The following UNKL variants were observed in gnomAD, a reference collection of about 807,000 sequenced individuals.
UNKL encodes the protein putative E3 ubiquitin-protein ligase UNKL.
A neutral mutation model predicts 78.0 loss-of-function variants in UNKL; 60 were observed. The observed-to-expected ratio is 0.77, with a 90% CI of 0.63 to 0.95. The LOEUF (loss-of-function observed/expected upper bound fraction) is 0.95. UNKL is among the 40% of genes least tolerant of loss of function. UNKL has a pLI of 0.00. For missense variants in UNKL, 1,159 were observed against 1,045.7 expected (o/e 1.11, Z -1.49); for synonymous variants, 608 against 474.8 (o/e 1.28, Z -3.65).
At chr16:1,368,058 C>CTTTTTT in intron 12 of UNKL, 200 bp from the exon 13 acceptor site, 2 of 598,024 alleles carry the variant, frequency 3.3e-6, no homozygotes, top group South Asian at 2.0e-5. Context: ...CTGACAGTGA[C>CTTTTTT]ACCTGCCCCG....
rs1029264919 is a variant in UNKL at position 1,397,250 on chromosome 16, T to A, written c.780A>T (p.Glu260Asp). ...PSVKHGDEWG[E>D]PSRCDGGDGC... ...CGTCGCCGCCATCGCAGCGTGAGGG[T>A]TCCCCCCACTCATCCCCGTGCTTCA... The change falls in exon 6 of 15, where the codon GAA becomes GAT. Residue 260 changes from glutamate (E) to aspartate (D), a missense_variant. Physicochemically the swap from Glu to Asp is conservative, Grantham distance 45. Transcript: ENST00000389221. The A allele has an allele frequency of 1.3e-6, 2 of 1,542,120 alleles. No individual in the cohort carries two copies. Among genetic ancestry groups the A allele is most frequent in the Admixed American group, 2.0e-5 (1 of 50,986 alleles).
At chr16:1,410,802 G>T (rs978255442) in intron 2 of UNKL, among the ~76,000 whole-genome samples, 2 of 152,204 alleles carry the variant, frequency 1.3e-5, no homozygotes, top group African/African-American at 4.8e-5. Context: ...ACCTGCCTTT[G>T]AAAGCCCCAT....
At chr16:1,401,103 G>T (rs1041228430) in intron 4 of UNKL, among the ~76,000 whole-genome samples, 1 of 152,156 alleles carries the variant, frequency 6.6e-6, no homozygotes, top group Non-Finnish European at 1.5e-5. Context: ...ATATGTTTCT[G>T]GCCAAGCTCA....
intron 10 of UNKL, chr16:1,379,782 C>G: frequency 1.2e-6 from 1 of 844,194 alleles, no homozygotes; most frequent in Non-Finnish European, 1.4e-6. Flanking sequence ...CTGCCCTCCC[C>G]CAACCTTCCC....
At chr16:1,368,274 T>C (rs1331893513) in intron 12 of UNKL, 1 of 199,174 alleles carries the variant, frequency 5.0e-6, no homozygotes, top group Non-Finnish European at 1.0e-5. Flanking sequence ...TCTATGCAGC[T>C]TTAGAGACTA....
chr16:1,383,282 A>C (rs13333722), intron 10 of UNKL, among the ~76,000 whole-genome samples: 3 of 151,624 alleles, frequency 2.0e-5, no homozygotes, highest in South Asian at 4.1e-4. Context: ...CAAAAAAAAA[A>C]AAAAAACAAA....
chr16:1,414,364 C>CCCCA (rs1359182879), intron 1 of UNKL, among the ~76,000 whole-genome samples: 1 of 152,056 alleles, frequency 6.6e-6, no homozygotes, highest in Non-Finnish European at 1.5e-5. Flanking sequence ...CAGGCGCAAC[C>CCCCA]CCCAACCCCG....
intron 2 of UNKL, among the ~76,000 whole-genome samples, chr16:1,405,575 T>C (rs1419638554): frequency 6.9e-6 from 1 of 145,016 alleles, no homozygotes; most frequent in African/African-American, 2.6e-5. Flanking sequence ...AAACTCCATC[T>C]CAAAAAAAAA....
intron 10 of UNKL, among the ~76,000 whole-genome samples, chr16:1,374,468 T>C (rs897195325): frequency 6.6e-6 from 1 of 152,108 alleles, no homozygotes; most frequent in African/African-American, 2.4e-5. Flanking sequence ...GGTCCCTCCA[T>C]GGCCCCAGGC....
chr16:1,403,152 G>C lies in UNKL; in HGVS notation c.464+16C>G. The C allele has an allele frequency of 6.2e-7, 1 of 1,602,352 alleles. No individual in the cohort carries two copies. The highest frequency in any genetic ancestry group is 8.5e-7 in the Non-Finnish European group (1 of 1,174,146). On this transcript the variant is annotated intron_variant, in intron 3 of 14. Coordinates refer to ENST00000389221, the MANE Select transcript of UNKL (RefSeq NM_001372107.1). The surrounding 1 kb of genome is among the most constrained non-coding windows in gnomAD (Gnocchi z 4.8). ...CAGCAGGCAGGCCAAGTGCCCACTCGTGGATGCCCACTCACCTGACGTCAC... is the reference window on the plus strand; with the variant it reads ...CAGCAGGCAGGCCAAGTGCCCACTCCTGGATGCCCACTCACCTGACGTCAC...
chr16:1,374,800 A>G (rs1047250911), intron 10 of UNKL, among the ~76,000 whole-genome samples: 1 of 152,080 alleles, frequency 6.6e-6, no homozygotes, highest in Non-Finnish European at 1.5e-5. Context: ...CTGGAGAAAC[A>G]AGGACTCGGC....
In UNKL at chr16:1,399,307, C is replaced by T. The variant is rs1031181528; in HGVS notation, c.734+67G>A. 3.4e-6 allele frequency: 5 copies of T among 1,459,634 alleles called. No homozygotes were observed. The highest frequency in any genetic ancestry group is 1.4e-5 in the South Asian group (1 of 70,886). 90.4% of individuals were successfully genotyped at this position (1,459,634 alleles called of 1,614,324 possible). A position where few individuals can be genotyped will look rare whatever the true frequency, so the allele number is the denominator to read the frequency against. On this transcript the variant is annotated intron_variant, in intron 5 of 14. Transcript: ENST00000389221. The surrounding 1 kb of genome is among the most constrained non-coding windows in gnomAD (Gnocchi z 5.8). ...CCCATTAGAACCCCGGGGTGGGCAACGCGAGCCACGGGCCGGGAAGGACGC... is the reference window on the plus strand; with the variant it reads ...CCCATTAGAACCCCGGGGTGGGCAATGCGAGCCACGGGCCGGGAAGGACGC...
chr16:1,397,772 T>TC (rs1246323294), intron 5 of UNKL, among the ~76,000 whole-genome samples: 2 of 115,660 alleles, frequency 1.7e-5, no homozygotes, highest in African/African-American at 3.6e-5. Context: ...AGGACTTGGC[T>TC]CCCCCACCCC....
chr16:1,388,032 C>A lies in UNKL; in HGVS notation c.1086+2600G>T, dbSNP rs557582857. On this transcript the variant is annotated intron_variant, in intron 9 of 14. Coordinates refer to ENST00000389221, the MANE Select transcript of UNKL (RefSeq NM_001372107.1). Reference sequence around the variant, plus strand: ...TGGGCGTCTCAGTCCTTGCCTGAACCCAACTCCAGAGCATCACCCAGGCCC... The same window carrying A: ...TGGGCGTCTCAGTCCTTGCCTGAACACAACTCCAGAGCATCACCCAGGCCC... Among the ~76,000 whole-genome samples, 698 of 152,304 alleles carry A rather than the reference C, an allele frequency of 4.6e-3. 6 individuals are homozygous for A. The highest frequency in any genetic ancestry group is 0.015 in the African/African-American group (630 of 41,552).
At chr16:1,394,952 A>C in intron 6 of UNKL, among the ~76,000 whole-genome samples, 1 of 152,180 alleles carries the variant, frequency 6.6e-6, no homozygotes. Context: ...ATCTCGGCTC[A>C]CTGCAACGTC....
At chr16:1,400,540 G>A (rs1223893820) in intron 4 of UNKL, among the ~76,000 whole-genome samples, 1 of 151,544 alleles carries the variant, frequency 6.6e-6, no homozygotes, top group East Asian at 1.9e-4. Context: ...GGAGGGGATG[G>A]GGAGGAACTG....
intron 2 of UNKL, among the ~76,000 whole-genome samples, chr16:1,406,860 G>A (rs978024426): frequency 2.6e-5 from 4 of 151,982 alleles, no homozygotes; most frequent in African/African-American, 4.8e-5. Context: ...ACTCCTGGCC[G>A]GGCACAGTGG....
chr16:1,385,304 C>CGCTGGACGCCAG lies in UNKL; in HGVS notation c.1156_1167dup (p.Leu386_Ser389dup), dbSNP rs758546457. The CGCTGGACGCCAG allele has an allele frequency of 1.4e-4, 196 of 1,391,596 alleles. 3 individuals are homozygous for CGCTGGACGCCAG. The South Asian group carries it at 2.0e-3, about 15-fold the overall frequency. The allele number at this position is 1,391,596 out of a possible 1,614,324, so 86.2% of individuals were successfully genotyped here. On this transcript the variant is annotated inframe_insertion, in exon 10 of 15. Transcript: ENST00000389221. ...GTGGGGGAGGAGCTGCCGGAGCCGGCGCTGGACGCCAGGCTGGACGCCACG... is the reference window on the plus strand; with the variant it reads ...GTGGGGGAGGAGCTGCCGGAGCCGGCGCTGGACGCCAGGCTGGACGCCAGGCTGGACGCCACG...
At position 1,368,870 on chromosome 16, in the gene UNKL, G is replaced by A. The variant is rs73487817; in HGVS notation, c.1586-1012C>T. Among the ~76,000 whole-genome samples, 1,004 of 152,038 alleles carry A rather than the reference G, an allele frequency of 6.6e-3. 11 individuals carry two copies. The highest frequency in any genetic ancestry group is 0.023 in the African/African-American group (950 of 41,486). The stretch of plus-strand genomic sequence containing the variant: ...GAGCCAAGATTGCTGGAGCCTGGAC[G>A]ACAGAGTGAAACTTTGTTTTAAAAA... On this transcript the variant is annotated intron_variant, in intron 12 of 14. Transcript: ENST00000389221.
Sources: gnomAD v4.1 joint callset for allele counts (sites outside exome capture counted in the v4.1 genomes callset) on GRCh38, gnomAD v4.1.1 for gene constraint, Gnocchi (gnomAD v3.1) non-coding constraint, MANE v1.5 for transcripts, NCBI Gene and HGNC (gene_info 2026-07-23, HGNC 2026-07-21) for gene names.